Variants in XRN1 observed in about 807,000 individuals in gnomAD.
The protein encoded by XRN1 is strand-exchange protein 1 homolog.
Under a neutral mutation model 222.3 loss-of-function variants are expected in XRN1, and 67 were observed. The ratio of observed to expected loss-of-function variants is 0.30; its 90% confidence interval spans 0.25 to 0.37. XRN1 has a LOEUF of 0.37. XRN1 is among the 10% of genes least tolerant of loss of function. XRN1 has a pLI of 1.00. For synonymous variants in XRN1, 643 were observed against 652.4 expected (o/e 0.99, Z 0.22); for missense variants, 1,707 against 2,000.2 (o/e 0.85, Z 2.80).
intron 22 of XRN1, 31 bp downstream of exon 22, chr3:142,383,269 A>G (rs1411711048): frequency 1.3e-6 from 2 of 1,536,814 alleles, no homozygotes; most frequent in Non-Finnish European, 1.8e-6. Context: ...AACTAGAGAA[A>G]AATGTATCAG....
rs1298712725 is a variant in XRN1, at chr3:142,399,854, A to G, written c.2207+590T>C. Among the ~76,000 whole-genome samples, 4 of 151,972 alleles carry G rather than the reference A, an allele frequency of 2.6e-5. No individual in the cohort carries two copies. In the South Asian group the frequency reaches 6.2e-4, roughly 24 times the overall value. The stretch of plus-strand genomic sequence containing the variant: ...TAATAACTCAAAATCAAAAAACATA[A>G]TATCTACCCATCTTCTCTGAAAAAA... On this transcript the variant is annotated intron_variant, in intron 19 of 40. Transcript: ENST00000392981.
intron 8 of XRN1, among the ~76,000 whole-genome samples, chr3:142,421,824 A>G (rs750560371): frequency 2.0e-5 from 3 of 152,198 alleles, no homozygotes; most frequent in Non-Finnish European, 4.4e-5. Flanking sequence ...TCTATAATCT[A>G]TCTAGATCAT....
chr3:142,372,078 A>C (rs2067006476), intron 25 of XRN1, among the ~76,000 whole-genome samples: 1 of 152,118 alleles, frequency 6.6e-6, no homozygotes, highest in Admixed American at 6.6e-5. Flanking sequence ...GTGTGGGGTG[A>C]GGTTTAGTAA....
At chr3:142,312,554 C>T in intron 40 of XRN1, 44 bp downstream of exon 40, 1 of 1,449,974 alleles carries the variant, frequency 6.9e-7, no homozygotes. Context: ...AATAGTCTTT[C>T]AGCATTAAAC....
In XRN1 at chr3:142,383,193, AT is replaced by A. The variant is rs1289640891; in HGVS notation, c.2616+106del. The A allele has an allele frequency of 3.4e-6, 3 of 884,750 alleles. No homozygotes were observed. The East Asian group carries it at 8.0e-5, about 24-fold the overall frequency. The allele number at this position is 884,750 out of a possible 1,614,324, so 54.8% of individuals were successfully genotyped here. The stretch of plus-strand genomic sequence containing the variant: ...CATAAGTTACATGGATAAATTCTTT[AT>A]TTTTTCCCTTCATTATTATATTTTA... On this transcript the variant is annotated intron_variant, in intron 22 of 40. Transcript: ENST00000392981.
intron 37 of XRN1, among the ~76,000 whole-genome samples, chr3:142,319,533 T>A (rs867859300): frequency 1.2e-4 from 18 of 152,174 alleles, no homozygotes; most frequent in South Asian, 2.1e-4. Context: ...TAATTTTTTT[T>A]AAAAAATAGA....
At chr3:142,364,454 C>A (rs1369648753) in intron 29 of XRN1, among the ~76,000 whole-genome samples, 1 of 151,734 alleles carries the variant, frequency 6.6e-6, no homozygotes, top group Non-Finnish European at 1.5e-5. Context: ...TTTTTTTTCA[C>A]CATCTTAGCC....
intron 22 of XRN1, among the ~76,000 whole-genome samples, chr3:142,380,936 G>C (rs971538008): frequency 6.6e-6 from 1 of 151,664 alleles, no homozygotes; most frequent in African/African-American, 2.4e-5. Context: ...TTACAGGTGT[G>C]TGCCACTGTG....
At chr3:142,335,324 T>A in intron 34 of XRN1, 124 bp downstream of exon 34, 1 of 847,480 alleles carries the variant, frequency 1.2e-6, no homozygotes, top group Non-Finnish European at 1.9e-6. Context: ...TTAACTTCAG[T>A]GACCCTCTGG....
At chr3:142,432,160 T>C (rs927498270) in intron 2 of XRN1, among the ~76,000 whole-genome samples, 4 of 111,410 alleles carry the variant, frequency 3.6e-5, no homozygotes, top group African/African-American at 2.0e-4. Flanking sequence ...ATATAATTTA[T>C]ATATAAATAT....
chr3:142,396,057 C>A (rs888385287), intron 20 of XRN1, among the ~76,000 whole-genome samples: 2 of 152,316 alleles, frequency 1.3e-5, no homozygotes, highest in Admixed American at 6.5e-5. Flanking sequence ...TGTCTCCCAT[C>A]CAGCAGCTGT....
chr3:142,437,611 A>G (rs1345746179), intron 1 of XRN1, among the ~76,000 whole-genome samples: 1 of 152,236 alleles, frequency 6.6e-6, no homozygotes, highest in African/African-American at 2.4e-5. Context: ...CATTGAGGAA[A>G]ATCTCTAGGA....
chr3:142,384,135 G>C (rs1177883784), intron 21 of XRN1, among the ~76,000 whole-genome samples: 1 of 151,998 alleles, frequency 6.6e-6, no homozygotes, highest in East Asian at 1.9e-4. Context: ...AGCCAGGTGT[G>C]CTGGCGGGCA....
intron 30 of XRN1, 84 bp downstream of exon 30, chr3:142,359,778 A>G: frequency 9.3e-7 from 1 of 1,077,110 alleles, no homozygotes; most frequent in Non-Finnish European, 1.4e-6. Flanking sequence ...ACAAACTGAA[A>G]TTGTAAACAA....
At chr3:142,412,967 C>T (rs1399612779) in intron 14 of XRN1, among the ~76,000 whole-genome samples, 2 of 152,130 alleles carry the variant, frequency 1.3e-5, no homozygotes, top group Non-Finnish European at 2.9e-5. Flanking sequence ...ACAAGACACA[C>T]AGCTAAATTG....
chr3:142,352,832 T>C (rs866491503), intron 32 of XRN1, among the ~76,000 whole-genome samples: 1 of 152,248 alleles, frequency 6.6e-6, no homozygotes, highest in African/African-American at 2.4e-5. Flanking sequence ...TTTGTAGAGA[T>C]GGGGTTTCAC....
intron 16 of XRN1, among the ~76,000 whole-genome samples, chr3:142,404,198 T>C (rs1266987558): frequency 6.6e-6 from 1 of 152,108 alleles, no homozygotes; most frequent in African/African-American, 2.4e-5. Flanking sequence ...ATTACTAAGT[T>C]GAGATTTTCC....
chr3:142,321,977 G>T (rs1207371168), intron 37 of XRN1, among the ~76,000 whole-genome samples: 8 of 151,916 alleles, frequency 5.3e-5, no homozygotes, highest in African/African-American at 1.9e-4. Flanking sequence ...TTACTTAATT[G>T]CTCTGGACAG....
intron 1 of XRN1, among the ~76,000 whole-genome samples, chr3:142,442,363 G>T (rs572969529): frequency 1.3e-5 from 2 of 151,844 alleles, no homozygotes; most frequent in Non-Finnish European, 2.9e-5. Context: ...AGAGCCGCAA[G>T]GCAGGACCCT....
Sources: allele counts gnomAD v4.1 joint callset (sites outside exome capture counted in the v4.1 genomes callset), GRCh38; gene constraint gnomAD v4.1.1; transcripts MANE v1.5; gene names NCBI Gene and HGNC (gene_info 2026-07-23, HGNC 2026-07-21).